Variants in GANC observed in about 807,000 individuals in gnomAD.
GANC encodes the protein neutral alpha-glucosidase C.
In GANC, 117 loss-of-function variants were observed where a neutral mutation model predicts 124.2. That is an observed-to-expected ratio of 0.94 (90% CI 0.81 to 1.10). The LOEUF is 1.10. Among genes scored for constraint, GANC ranks in the 50% least tolerant of loss-of-function variants. The pLI is 0.00. For synonymous variants in GANC, 377 were observed against 376.8 expected, an observed-to-expected ratio of 1.00 and a Z score of -0.01; for missense variants, 1,140 against 1,095.0, an observed-to-expected ratio of 1.04 and a Z score of -0.58.
chr15:42,337,360 T>G (rs961761186), intron 15 of GANC, among the ~76,000 whole-genome samples: 4 of 152,204 alleles, frequency 2.6e-5, no homozygotes, highest in Non-Finnish European at 4.4e-5. Flanking sequence ...TTTTTCTTTT[T>G]TATTAAATTT....
At chr15:42,290,897 T>C (rs930209527) in intron 4 of GANC, among the ~76,000 whole-genome samples, 3 of 152,146 alleles carry the variant, frequency 2.0e-5, no homozygotes, top group Non-Finnish European at 4.4e-5. Flanking sequence ...AAAATTTCAC[T>C]GGCCCTCCCA....
rs2052206441 is a variant in GANC, at chr15:42,327,362, G to T, written c.1421-1G>T. 1 of 1,610,910 alleles carries T rather than the reference G, an allele frequency of 6.2e-7. No individual in the cohort carries two copies. The highest frequency in any genetic ancestry group is 8.5e-7 in the Non-Finnish European group (1 of 1,178,072). On this transcript the variant is annotated splice_acceptor_variant, in intron 12 of 23. Transcript: ENST00000318010. LOFTEE classifies it high-confidence loss of function. Reference sequence around the variant, plus strand: ...GGCTATCTACTGTTCTGCCTCCACAGGTCTCTCCTCTTACCTGGATTTCAC... The same window carrying T: ...GGCTATCTACTGTTCTGCCTCCACATGTCTCTCCTCTTACCTGGATTTCAC...
In GANC at chr15:42,333,147, G is replaced by A. The variant is rs548517919; in HGVS notation, c.1741+2475G>A. ...GTTTGAGACCAGCCTGGGCAACATG[G>A]TGAAACCCTGTCTCTACTAAAAATA... On this transcript the variant is annotated intron_variant, in intron 15 of 23. Transcript: ENST00000318010. 9.2e-5 allele frequency among the ~76,000 whole-genome samples: 14 copies of A among 151,598 alleles called. No homozygotes were observed. In the South Asian group the frequency reaches 2.9e-3, roughly 32 times the overall value.
Position 42,353,319 on chromosome 15 carries a change from G to A in GANC, c.*1180G>A, listed in dbSNP as rs1287759893. On this transcript the variant is annotated 3_prime_UTR_variant, in exon 24 of 24. Coordinates refer to ENST00000318010, the MANE Select transcript of GANC (RefSeq NM_198141.3). Reference sequence around the variant, plus strand: ...CACCTCTGTGCCTTCTGATCCCTGGGCGCCAATATCCTCCTGCCCTTACCA... The same window carrying A: ...CACCTCTGTGCCTTCTGATCCCTGGACGCCAATATCCTCCTGCCCTTACCA... The A allele has an allele frequency of 8.1e-6, 8 of 986,104 alleles. No homozygotes were observed. Among genetic ancestry groups the A allele is most frequent in the Non-Finnish European group, 9.6e-6 (8 of 830,236 alleles). The allele number at this position is 986,104 out of a possible 1,614,324, so 61.1% of individuals were successfully genotyped here.
chr15:42,319,056 TC>T (rs1005315084), intron 10 of GANC, among the ~76,000 whole-genome samples: 11 of 152,300 alleles, frequency 7.2e-5, no homozygotes, highest in South Asian at 4.1e-4. Context: ...AATCTCCTTT[TC>T]CTTTTTTGCC....
At chr15:42,296,639 C>G (rs879684860) in intron 5 of GANC, among the ~76,000 whole-genome samples, 1 of 152,070 alleles carries the variant, frequency 6.6e-6, no homozygotes, top group Admixed American at 6.6e-5. Context: ...GTAATCTACC[C>G]GCATTGGCCT....
chr15:42,318,775 G>A (rs1019781719), intron 10 of GANC, among the ~76,000 whole-genome samples: 13 of 152,042 alleles, frequency 8.6e-5, no homozygotes, highest in African/African-American at 3.1e-4. Context: ...TTTTTATATA[G>A]GCAGGGTCTC....
chr15:42,342,527 A>G (rs12915701), intron 18 of GANC, among the ~76,000 whole-genome samples: 5,266 of 152,188 alleles, frequency 0.035, 157 homozygotes, highest in Non-Finnish European at 0.052. Context: ...GGTTGCAGTA[A>G]GCTGTGATTG....
chr15:42,343,292 A>T, intron 19 of GANC, 138 bp downstream of exon 19: 1 of 704,740 alleles, frequency 1.4e-6, no homozygotes, highest in South Asian at 1.8e-5. Context: ...ATAATAAGTC[A>T]TGACCACTGT....
intron 16 of GANC, among the ~76,000 whole-genome samples, chr15:42,339,162 A>G (rs1272163434): frequency 6.6e-6 from 1 of 152,156 alleles, no homozygotes; most frequent in African/African-American, 2.4e-5. Context: ...ATATGTATAT[A>G]CCACTCAGTG....
chr15:42,294,972 G>GTTTTTTTTTT (rs59095643), intron 5 of GANC, among the ~76,000 whole-genome samples: 2 of 131,182 alleles, frequency 1.5e-5, no homozygotes, highest in Non-Finnish European at 3.1e-5. Context: ...TGCATTTGTA[G>GTTTTTTTTTT]TTTTTTTTTT....
chr15:42,349,442 G>C lies in GANC; in HGVS notation c.2478G>C (p.Gln826His), dbSNP rs766569696. Reference sequence around the variant, plus strand: ...GCCATTCATTCCAATACCTCCACCAGAAGCAATTTTTGCACAGGAAGTTTT... The same window carrying C: ...GCCATTCATTCCAATACCTCCACCACAAGCAATTTTTGCACAGGAAGTTTT... Reference protein sequence around the residue: ...DDGHSFQYLHQKQFLHRKFSF... With the variant: ...DDGHSFQYLHHKQFLHRKFSF... The change falls in exon 22 of 24, where the codon CAG becomes CAC. Residue 826 changes from glutamine (Q) to histidine (H), a missense_variant. By Grantham distance (24) the Gln-to-His change is conservative. Coordinates refer to ENST00000318010, the MANE Select transcript of GANC (RefSeq NM_198141.3). 1.9e-6 allele frequency: 3 copies of C among 1,613,764 alleles called. No individual in the cohort carries two copies. The African/African-American group carries it at 4.0e-5, about 22-fold the overall frequency.
intron 6 of GANC, among the ~76,000 whole-genome samples, chr15:42,298,420 T>A (rs2051911814): frequency 6.6e-6 from 1 of 152,176 alleles, no homozygotes; most frequent in African/African-American, 2.4e-5. Context: ...GTTCATGGAA[T>A]TGGTGAGACA....
intron 3 of GANC, among the ~76,000 whole-genome samples, chr15:42,286,874 T>G (rs2051794249): frequency 6.6e-6 from 1 of 152,242 alleles, no homozygotes; most frequent in Non-Finnish European, 1.5e-5. Context: ...AACCAAAATT[T>G]GGCATCATAC....
chr15:42,342,590 A>G (rs1425178273), intron 18 of GANC, among the ~76,000 whole-genome samples: 3 of 147,810 alleles, frequency 2.0e-5, no homozygotes, highest in Admixed American at 1.3e-4. Context: ...TCCTGTCTCT[A>G]AGGAAAAAAA....
rs184329824 is a variant in GANC at position 42,326,422 on chromosome 15, C to T, written c.1418C>T (p.Pro473Leu). ...GAAGACTTTGAAGGGGTGTGTTGGC[C>T]AGGTATGAAATCACTTTATACACTT... ...EGEDFEGVCW[P>L]GLSSYLDFTN... Residue 473 changes from proline to leucine, a missense_variant and splice_region_variant, in exon 12 of 24, where the codon CCA becomes CTA. Physicochemically the swap from Pro to Leu is moderately conservative, Grantham distance 98. Transcript: ENST00000318010. 21 of 1,613,824 alleles carry T rather than the reference C, an allele frequency of 1.3e-5. No homozygotes were observed. The East Asian group carries it at 3.3e-4, about 26-fold the overall frequency.
intron 16 of GANC, among the ~76,000 whole-genome samples, chr15:42,338,760 G>T (rs576434886): frequency 1.3e-5 from 2 of 152,002 alleles, no homozygotes; most frequent in Non-Finnish European, 2.9e-5. Flanking sequence ...CTTCCTAGAC[G>T]CTCTTGATAA....
At chr15:42,280,820 A>G (rs1352701479) in intron 3 of GANC, 1 of 633,238 alleles carries the variant, frequency 1.6e-6, no homozygotes, top group African/African-American at 1.8e-5. Flanking sequence ...ACAGCGTGAT[A>G]CCAGTTTGCG....
chr15:42,316,860 G>A (rs895969187), intron 10 of GANC, among the ~76,000 whole-genome samples: 1 of 152,186 alleles, frequency 6.6e-6, no homozygotes, highest in Non-Finnish European at 1.5e-5. Context: ...ATGACAGAGG[G>A]CTCACCTCTT....
Sources: allele counts gnomAD v4.1 joint callset (sites outside exome capture counted in the v4.1 genomes callset), GRCh38; gene constraint gnomAD v4.1.1; transcripts MANE v1.5; gene names NCBI Gene and HGNC (gene_info 2026-07-23, HGNC 2026-07-21).